Variants in TLE4 observed in about 807,000 individuals in gnomAD.
TLE4 encodes transducin-like enhancer protein 4.
TLE4 carries 8 observed loss-of-function variants against 92.8 expected under a neutral mutation model. The observed-to-expected ratio is 0.09, with a 90% CI of 0.05 to 0.16. The LOEUF (loss-of-function observed/expected upper bound fraction) is 0.16, where lower values mean the gene tolerates loss of function less well. TLE4 is among the 10% of genes least tolerant of loss of function. TLE4 has a pLI of 1.00. For synonymous variants in TLE4, 371 were observed against 374.1 expected (o/e 0.99, Z 0.10); for missense variants, 675 against 997.6 (o/e 0.68, Z 4.36).
At chr9:79,721,942 G>A (rs567447719) in intron 17 of TLE4, 54 bp downstream of exon 17, 120 of 1,569,176 alleles carry the variant, frequency 7.6e-5, no homozygotes, top group African/African-American at 1.5e-4. Context: ...TGAGGTGGGC[G>A]GATCACCAGG....
chr9:79,636,520 G>T (rs1053206426), intron 6 of TLE4, among the ~76,000 whole-genome samples: 1 of 152,002 alleles, frequency 6.6e-6, no homozygotes, highest in Non-Finnish European at 1.5e-5. Flanking sequence ...GTGTGTTCTC[G>T]ACTGAGGGTT....
Position 79,574,807 on chromosome 9 carries a change from T to C in TLE4, c.144-66T>C, listed in dbSNP as rs191638143. The C allele has an allele frequency of 1.7e-4, 226 of 1,313,408 alleles. No homozygotes were observed. In the African/African-American group the frequency reaches 3.1e-3, roughly 18 times the overall value. 81.4% of individuals were successfully genotyped at this position (1,313,408 alleles called of 1,614,324 possible). ...TTGTTTGTAGGTGAGATTTAGAATA[T>C]GCGTTTAAGAGTTGAAGGATGTAAG... On this transcript the variant is annotated intron_variant, in intron 2 of 19. Transcript: ENST00000376552.
chr9:79,695,415 G>A (rs75510182), intron 8 of TLE4, among the ~76,000 whole-genome samples: 3,543 of 152,072 alleles, frequency 0.023, 60 homozygotes, highest in Middle Eastern at 0.068. Flanking sequence ...TAAGCACTGA[G>A]GATGCAAAGA....
intron 17 of TLE4, 63 bp downstream of exon 17, chr9:79,721,951 G>A: frequency 6.4e-7 from 1 of 1,561,080 alleles, no homozygotes; most frequent in Non-Finnish European, 8.6e-7. Flanking sequence ...CGGATCACCA[G>A]GTCAGGGAAT....
intron 4 of TLE4, among the ~76,000 whole-genome samples, chr9:79,607,572 G>A (rs761552538): frequency 6.6e-6 from 1 of 152,148 alleles, no homozygotes; most frequent in Non-Finnish European, 1.5e-5. Flanking sequence ...AAGGGATCCA[G>A]TTTCAGCTTT....
intron 8 of TLE4, among the ~76,000 whole-genome samples, chr9:79,665,019 TC>T (rs1408902240): frequency 3.3e-5 from 5 of 152,252 alleles, no homozygotes; most frequent in Non-Finnish European, 7.3e-5. Flanking sequence ...GGTGAAAATT[TC>T]CTTTATAACA....
intron 5 of TLE4, among the ~76,000 whole-genome samples, chr9:79,622,348 C>T (rs573253592): frequency 4.1e-4 from 62 of 152,280 alleles, no homozygotes; most frequent in Admixed American, 5.9e-4. Context: ...TCTCCCTCTT[C>T]CAGCCACACA....
At chr9:79,708,011 C>A in intron 11 of TLE4, 107 bp from the exon 12 acceptor site, 2 of 1,190,046 alleles carry the variant, frequency 1.7e-6, no homozygotes, top group African/African-American at 1.5e-5. Context: ...AGCTGAAGAA[C>A]CTCTTCCATT....
chr9:79,683,199 T>G (rs933957849), intron 8 of TLE4, among the ~76,000 whole-genome samples: 1 of 152,216 alleles, frequency 6.6e-6, no homozygotes, highest in Non-Finnish European at 1.5e-5. Context: ...GCCTTACTGC[T>G]CCTATTTTTA....
Position 79,695,223 on chromosome 9 carries a change from G to A in TLE4, c.610-9560G>A, listed in dbSNP as rs112212366. On this transcript the variant is annotated intron_variant, in intron 8 of 19. Coordinates refer to ENST00000376552, the MANE Select transcript of TLE4 (RefSeq NM_007005.6). ...TCCTTGATTGGTGAGGAGAGCAGCA[G>A]TGAAAAGGCACCAGCTTTAACTGTC... Among the ~76,000 whole-genome samples the A allele has an allele frequency of 3.0e-3, 456 of 152,260 alleles. 4 individuals are homozygous for A. The highest frequency in any genetic ancestry group is 0.01 in the African/African-American group (419 of 41,552).
rs1219784857 is a variant in TLE4 at position 79,572,654 on chromosome 9, G to A, written c.-137G>A. 3.4e-6 allele frequency: 2 copies of A among 595,484 alleles called. No individual in the cohort carries two copies. Among genetic ancestry groups the A allele is most frequent in the South Asian group, 8.3e-5 (2 of 24,130 alleles). The allele number at this position is 595,484 out of a possible 1,614,324, so 36.9% of individuals were successfully genotyped here. ...CTGCCGCCCGTGTCACGCGAGACCC[G>A]GCGGGGGCCGGGACCGCCCGAGCCG... is the stretch of plus-strand genomic sequence containing the variant. On this transcript the variant is annotated 5_prime_UTR_variant, in exon 1 of 20. Coordinates refer to ENST00000376552, the MANE Select transcript of TLE4 (RefSeq NM_007005.6).
chr9:79,659,995 T>G (rs548946322), intron 8 of TLE4, among the ~76,000 whole-genome samples: 16 of 152,312 alleles, frequency 1.1e-4, no homozygotes, highest in Middle Eastern at 3.4e-3. Context: ...TCCATTTCAT[T>G]GTTCATCACC....
At chr9:79,588,135 C>CGCGTGTGTGTGTGTGTGTGT (rs1554691198) in intron 4 of TLE4, among the ~76,000 whole-genome samples, 1 of 146,716 alleles carries the variant, frequency 6.8e-6, no homozygotes, top group Non-Finnish European at 1.5e-5. Flanking sequence ...TTTATCCTTG[C>CGCGTGTGTGTGTGTGTGTGT]GTGTGTGTGT....
In TLE4 at chr9:79,592,165, T is replaced by TTCTTCC. The variant is rs1554694440; in HGVS notation, c.252+16006_252+16011dup. 1.2e-3 allele frequency among the ~76,000 whole-genome samples: 175 copies of TTCTTCC among 140,832 alleles called. 1 individual carries two copies. Among genetic ancestry groups the TTCTTCC allele is most frequent in the African/African-American group, 3.9e-3 (145 of 36,936 alleles). 92.4% of individuals were successfully genotyped at this position (140,832 alleles called of 152,430 possible). A position where few individuals can be genotyped will look rare whatever the true frequency, so the allele number is the denominator to read the frequency against. ...TCTTTCTTCTTTCTTCTTCTTCTTC[T>TTCTTCC]TCTTCCTCTTCCTCTTCCTCTTCTT... On this transcript the variant is annotated intron_variant, in intron 4 of 19. Transcript: ENST00000376552.
chr9:79,683,687 C>T (rs1242176642), intron 8 of TLE4, among the ~76,000 whole-genome samples: 1 of 152,084 alleles, frequency 6.6e-6, no homozygotes, highest in Non-Finnish European at 1.5e-5. Flanking sequence ...AAATATTCTC[C>T]GTATTTTGTA....
chr9:79,715,438 G>A (rs115086324), intron 14 of TLE4, among the ~76,000 whole-genome samples: 1,571 of 151,950 alleles, frequency 0.01, 28 homozygotes, highest in African/African-American at 0.035. Flanking sequence ...AAATCTGGCC[G>A]TCTCCTGAGA....
intron 6 of TLE4, among the ~76,000 whole-genome samples, chr9:79,637,970 C>A (rs1200938522): frequency 6.6e-6 from 1 of 152,028 alleles, no homozygotes; most frequent in Admixed American, 6.6e-5. Context: ...TGTGCAAAAT[C>A]CTGATATGAA....
At chr9:79,610,177 G>A (rs2048041592) in intron 4 of TLE4, among the ~76,000 whole-genome samples, 1 of 152,082 alleles carries the variant, frequency 6.6e-6, no homozygotes, top group Non-Finnish European at 1.5e-5. Flanking sequence ...AATAGAAGCT[G>A]TGCCAAGGGC....
chr9:79,686,541 AAGG>A (rs1321085363), intron 8 of TLE4, among the ~76,000 whole-genome samples: 1 of 152,128 alleles, frequency 6.6e-6, no homozygotes, highest in Non-Finnish European at 1.5e-5. Flanking sequence ...ATGTCCTTAT[AAGG>A]AGAGAGAGGT....
Sources: allele counts gnomAD v4.1 joint callset (sites outside exome capture counted in the v4.1 genomes callset), GRCh38; gene constraint gnomAD v4.1.1; transcripts MANE v1.5; gene names NCBI Gene and HGNC (gene_info 2026-07-23, HGNC 2026-07-21).